The following ATXN1 variants were observed in gnomAD, a reference collection of about 807,000 sequenced individuals.
The protein encoded by ATXN1 is ataxin-1.
A neutral mutation model predicts 56.4 loss-of-function variants in ATXN1; 8 were observed. That is an observed-to-expected ratio of 0.14 (90% confidence interval 0.08 to 0.26). The LOEUF (loss-of-function observed/expected upper bound fraction) is 0.26, where lower values mean the gene tolerates loss of function less well. Among genes scored for constraint, ATXN1 ranks in the 10% least tolerant of loss-of-function variants. The pLI, the probability that ATXN1 is intolerant of heterozygous loss-of-function variation, is 1.00. For missense variants in ATXN1, 987 were observed against 1,106.5 expected (o/e 0.89, Z 1.53); for synonymous variants, 514 against 494.6 (o/e 1.04, Z -0.52).
chr6:16,336,325 A>ACAGAATG (rs1761122195), intron 6 of ATXN1, among the ~76,000 whole-genome samples: 1 of 152,190 alleles, frequency 6.6e-6, no homozygotes. Context: ...TAGAAAAGGG[A>ACAGAATG]CAGAATGCAC....
chr6:16,737,408 G>A (rs1300326214), intron 2 of ATXN1: 2 of 152,236 alleles, frequency 1.3e-5, no homozygotes, highest in Non-Finnish European at 2.9e-5. Context: ...GTTGCAGTTT[G>A]AAGCTGTAGG....
At chr6:16,545,291 TA>T (rs1385098420) in intron 4 of ATXN1, among the ~76,000 whole-genome samples, 1 of 152,194 alleles carries the variant, frequency 6.6e-6, no homozygotes, top group Non-Finnish European at 1.5e-5. Context: ...TAAATGACCT[TA>T]ATATGTTCAA....
At chr6:16,735,008 A>C (rs1460742896) in intron 2 of ATXN1, among the ~76,000 whole-genome samples, 1 of 152,142 alleles carries the variant, frequency 6.6e-6, no homozygotes, top group Non-Finnish European at 1.5e-5. Context: ...ACTGTATTTT[A>C]TTTTATATTT....
chr6:16,494,115 ATCTCCAGTGCAGGGCTGGACTGAGAG>A (rs1760726357), intron 5 of ATXN1, among the ~76,000 whole-genome samples: 1 of 150,376 alleles, frequency 6.6e-6, no homozygotes, highest in Non-Finnish European at 1.5e-5. Context: ...ACTGAGAGGC[ATCTCCAGTGCAGGGCTGGACTGAGAG>A]GCATCTCCAG....
Position 16,504,993 on chromosome 6 carries a change from C to CTTTTTTTTTTTTTTTTTT in ATXN1, c.-299+17633_-299+17634insAAAAAAAAAAAAAAAAAA, listed in dbSNP as rs34197922. On this transcript the variant is annotated intron_variant, in intron 5 of 7. Transcript: ENST00000436367. ...CTCCTGCAATCAGCTCTCCTGTTTC[C>CTTTTTTTTTTTTTTTTTT]TTTTTTTTTTTTTTTTTAGCTTTAG... Among the ~76,000 whole-genome samples, 242 of 135,208 alleles carry CTTTTTTTTTTTTTTTTTT rather than the reference C, an allele frequency of 1.8e-3. 3 individuals are homozygous for CTTTTTTTTTTTTTTTTTT. Among genetic ancestry groups the CTTTTTTTTTTTTTTTTTT allele is most frequent in the African/African-American group, 6.5e-3 (228 of 34,970 alleles). The allele number at this position is 135,208 out of a possible 152,430, so 88.7% of individuals were successfully genotyped here. A position where few individuals can be genotyped will look rare whatever the true frequency, so the allele number is the denominator to read the frequency against.
chr6:16,663,458 ATTCT>A (rs1341323092), intron 2 of ATXN1, among the ~76,000 whole-genome samples: 1 of 152,140 alleles, frequency 6.6e-6, no homozygotes, highest in Non-Finnish European at 1.5e-5. Context: ...AGATGTTTCT[ATTCT>A]TTCTGTGGCA....
rs183390284 is a variant in ATXN1, at chr6:16,560,416, C to T, written c.-361+25364G>A. Among the ~76,000 whole-genome samples the T allele has an allele frequency of 4.5e-3, 685 of 151,418 alleles. 2 individuals carry two copies. The highest frequency in any genetic ancestry group is 6.9e-3 in the South Asian group (33 of 4,770). Reference sequence around the variant, plus strand: ...TGCACTCCAGTTTGGATAGCAAGAGCGAAACTCCACCTCAAAAATAAAAAT... The same window carrying T: ...TGCACTCCAGTTTGGATAGCAAGAGTGAAACTCCACCTCAAAAATAAAAAT... On this transcript the variant is annotated intron_variant, in intron 4 of 7. Transcript: ENST00000436367.
intron 2 of ATXN1, among the ~76,000 whole-genome samples, chr6:16,663,255 C>T (rs1758361517): frequency 6.6e-6 from 1 of 152,244 alleles, no homozygotes; most frequent in African/African-American, 2.4e-5. Context: ...AGGCAGGAGC[C>T]ACCGTGCCCG....
intron 6 of ATXN1, among the ~76,000 whole-genome samples, chr6:16,419,758 G>A (rs1758993393): frequency 6.6e-6 from 1 of 152,208 alleles, no homozygotes; most frequent in South Asian, 2.1e-4. Context: ...TTGTGTACTA[G>A]GGGAATGTGT....
chr6:16,579,683 A>C (rs1213545937), intron 4 of ATXN1, among the ~76,000 whole-genome samples: 1 of 152,054 alleles, frequency 6.6e-6, no homozygotes, highest in Admixed American at 6.6e-5. Context: ...TACTCAGGAA[A>C]ATCTCCACCA....
At chr6:16,707,170 AT>A (rs895450425) in intron 2 of ATXN1, among the ~76,000 whole-genome samples, 2 of 152,026 alleles carry the variant, frequency 1.3e-5, no homozygotes, top group African/African-American at 4.8e-5. Context: ...GCTAGCATCT[AT>A]TTTTTTTAAT....
At chr6:16,337,510 G>C (rs527922976) in intron 6 of ATXN1, among the ~76,000 whole-genome samples, 1 of 152,234 alleles carries the variant, frequency 6.6e-6, no homozygotes, top group African/African-American at 2.4e-5. Flanking sequence ...TCCTGGAAAG[G>C]CTCAAGATGG....
chr6:16,411,139 AAAAAAAG>A (rs1204590090), intron 6 of ATXN1, among the ~76,000 whole-genome samples: 1 of 149,492 alleles, frequency 6.7e-6, no homozygotes, highest in Non-Finnish European at 1.5e-5. Context: ...AAAAAAAAAA[AAAAAAAG>A]AAAAGAAAAG....
At chr6:16,361,280 G>C (rs747335580) in intron 6 of ATXN1, among the ~76,000 whole-genome samples, 2 of 152,190 alleles carry the variant, frequency 1.3e-5, no homozygotes, top group Non-Finnish European at 2.9e-5. Context: ...AGAGGGATGA[G>C]AGAACGTAAT....
intron 2 of ATXN1, among the ~76,000 whole-genome samples, chr6:16,708,394 T>C (rs927827820): frequency 7.2e-5 from 11 of 152,266 alleles, no homozygotes; most frequent in African/African-American, 2.6e-4. Context: ...ATTCCCCACG[T>C]CTGTGAATTA....
intron 2 of ATXN1, 137 bp from the exon 3 acceptor site, chr6:16,658,038 A>ATGAAG: frequency 6.6e-6 from 1 of 152,164 alleles, no homozygotes; most frequent in African/African-American, 2.4e-5. Context: ...AATTATCAGG[A>ATGAAG]TGAAGCCATC....
Position 16,327,633 on chromosome 6 carries a change from G to A in ATXN1, c.678C>T (p.His226=), listed in dbSNP as rs948893394. 5 of 1,451,590 alleles carry A rather than the reference G, an allele frequency of 3.4e-6. No individual in the cohort carries two copies. In the African/African-American group the frequency reaches 4.3e-5, roughly 12 times the overall value. The allele number at this position is 1,451,590 out of a possible 1,614,324, so 89.9% of individuals were successfully genotyped here. A position where few individuals can be genotyped will look rare whatever the true frequency, so the allele number is the denominator to read the frequency against. The part of the protein sequence containing the change: ...QQQQQQQQQQ[H]LSRAPGLITP... The stretch of plus-strand genomic sequence containing the variant: ...TGATGAGCCCCGGAGCCCTGCTGAG[G>A]TGCTGCTGCTGCTGCTGCTGCTGCT... Residue 226 remains histidine (H), a synonymous_variant, in exon 7 of 8, where the codon CAC becomes CAT. Transcript: ENST00000436367.
In ATXN1 at chr6:16,302,597, AG is replaced by A. The variant is rs1162162549; in HGVS notation, c.*3731del. 1.3e-5 allele frequency: 2 copies of A among 152,742 alleles called. No individual in the cohort carries two copies. Among genetic ancestry groups the A allele is most frequent in the African/African-American group, 4.8e-5 (2 of 41,556 alleles). The allele number at this position is 152,742 out of a possible 1,614,324, so 9.5% of individuals were successfully genotyped here. On this transcript the variant is annotated 3_prime_UTR_variant, in exon 8 of 8. Coordinates refer to ENST00000436367, the MANE Select transcript of ATXN1 (RefSeq NM_001128164.2). ...AATAATTCTTAAGTTAAACATTCTA[AG>A]GAACAGTCATTTTATATATTTAGAA...
chr6:16,390,717 C>T (rs1279749623), intron 6 of ATXN1, among the ~76,000 whole-genome samples: 1 of 151,736 alleles, frequency 6.6e-6, no homozygotes, highest in Non-Finnish European at 1.5e-5. Flanking sequence ...CGCATGCACA[C>T]AAGCAATGAA....
Sources: allele counts gnomAD v4.1 joint callset (sites outside exome capture counted in the v4.1 genomes callset), GRCh38; gene constraint gnomAD v4.1.1; transcripts MANE v1.5; gene names NCBI Gene and HGNC (gene_info 2026-07-23, HGNC 2026-07-21).